The following ERLIN1 variants were observed in gnomAD, a reference collection of about 807,000 sequenced individuals.
ERLIN1 encodes ER lipid raft associated 1.
A neutral mutation model predicts 46.9 loss-of-function variants in ERLIN1; 24 were observed. The observed-to-expected ratio is 0.51, with a 90% confidence interval of 0.37 to 0.72. The LOEUF is 0.72. Ranked by LOEUF, ERLIN1 falls within the 30% of genes least tolerant of loss-of-function variation. The pLI is 0.00. For missense variants in ERLIN1, 293 were observed against 417.9 expected, an observed-to-expected ratio of 0.70 and a Z score of 2.61; for synonymous variants, 158 against 143.2, an observed-to-expected ratio of 1.10 and a Z score of -0.74.
At chr10:100,173,075 G>C (rs998706523) in intron 6 of ERLIN1, among the ~76,000 whole-genome samples, 1 of 152,182 alleles carries the variant, frequency 6.6e-6, no homozygotes, top group African/African-American at 2.4e-5. Flanking sequence ...GACATTGCAT[G>C]AATGAGGCCA....
At chr10:100,181,510 ACT>A (rs1180899476) in intron 2 of ERLIN1, among the ~76,000 whole-genome samples, 2 of 132,442 alleles carry the variant, frequency 1.5e-5, no homozygotes, top group Admixed American at 7.4e-5. Flanking sequence ...TCTTAAGAAC[ACT>A]CTTTTTTTTT....
chr10:100,177,071 G>A (rs1844353853), intron 4 of ERLIN1, among the ~76,000 whole-genome samples: 1 of 152,076 alleles, frequency 6.6e-6, no homozygotes, highest in Non-Finnish European at 1.5e-5. Context: ...GCACTGAGCT[G>A]AGATCATGCC....
At chr10:100,180,706 C>A (rs1417277976) in intron 2 of ERLIN1, among the ~76,000 whole-genome samples, 1 of 152,104 alleles carries the variant, frequency 6.6e-6, no homozygotes, top group East Asian at 1.9e-4. Flanking sequence ...GACAGAGGGC[C>A]CTGAATGCTG....
At position 100,179,458 on chromosome 10, in the gene ERLIN1, AT is replaced by A. The variant is rs371022068; in HGVS notation, c.196-212del. ...TTGAGACAGAAAATATTTTACAGCA[AT>A]TTTTTTTTTTTTTTGGAGACAGAGT... is the stretch of plus-strand genomic sequence containing the variant. On this transcript the variant is annotated intron_variant, in intron 2 of 10. Coordinates refer to ENST00000421367, the MANE Select transcript of ERLIN1 (RefSeq NM_006459.4). Among the ~76,000 whole-genome samples, 3,741 of 143,328 alleles carry A rather than the reference AT, an allele frequency of 0.026. 54 individuals are homozygous for A. The highest frequency in any genetic ancestry group is 0.039 in the Non-Finnish European group (2,549 of 64,836). The allele number at this position is 143,328 out of a possible 152,430, so 94.0% of individuals were successfully genotyped here. A position where few individuals can be genotyped will look rare whatever the true frequency, so the allele number is the denominator to read the frequency against.
rs548817905 is a variant in ERLIN1 at position 100,168,151 on chromosome 10, A to G, written c.505-745T>C. 2.0e-5 allele frequency among the ~76,000 whole-genome samples: 3 copies of G among 152,206 alleles called. No individual in the cohort carries two copies. In the East Asian group the frequency reaches 5.8e-4, roughly 29 times the overall value. ...GGACTTGATCTCTCAAAAGCTTTTG[A>G]TTTTACTAAACATACGATACCCCGC... On this transcript the variant is annotated intron_variant, in intron 6 of 10. Coordinates refer to ENST00000421367, the MANE Select transcript of ERLIN1 (RefSeq NM_006459.4).
intron 6 of ERLIN1, among the ~76,000 whole-genome samples, chr10:100,169,376 G>C (rs1020817821): frequency 1.3e-5 from 2 of 151,474 alleles, no homozygotes; most frequent in African/African-American, 4.9e-5. Context: ...TATATCAAAA[G>C]CCAGTCTATA....
chr10:100,171,968 C>G (rs1051745413), intron 6 of ERLIN1, among the ~76,000 whole-genome samples: 1 of 152,092 alleles, frequency 6.6e-6, no homozygotes, highest in Non-Finnish European at 1.5e-5. Flanking sequence ...AGGGGGGGAG[C>G]TGCTAAAATT....
chr10:100,155,020 A>G lies in ERLIN1; in HGVS notation c.746-81T>C, dbSNP rs1039682346. The G allele has an allele frequency of 1.1e-5, 13 of 1,161,580 alleles. No homozygotes were observed. The African/African-American group carries it at 2.0e-4, about 18-fold the overall frequency. The allele number at this position is 1,161,580 out of a possible 1,614,324, so 72.0% of individuals were successfully genotyped here. On this transcript the variant is annotated intron_variant, in intron 9 of 10. Transcript: ENST00000421367. ...CCTTTCCCCACTGCTTAATATTGTG[A>G]CTGCTTATTTCACATTGAAAGTTTT...
intron 7 of ERLIN1, among the ~76,000 whole-genome samples, chr10:100,165,916 G>A (rs1039248068): frequency 2.6e-5 from 4 of 152,084 alleles, no homozygotes; most frequent in African/African-American, 7.2e-5. Context: ...ACTGGAGACA[G>A]GGTTTCACCA....
At chr10:100,167,029 T>C (rs776385418) in intron 7 of ERLIN1, among the ~76,000 whole-genome samples, 53 of 152,250 alleles carry the variant, frequency 3.5e-4, no homozygotes, top group Non-Finnish European at 6.9e-4. Flanking sequence ...TCAGGACTCT[T>C]TCCTCTATTA....
At chr10:100,154,447 C>CATG (rs1206396651) in intron 10 of ERLIN1, among the ~76,000 whole-genome samples, 1 of 152,176 alleles carries the variant, frequency 6.6e-6, no homozygotes, top group Non-Finnish European at 1.5e-5. Context: ...TCCTACAATG[C>CATG]ATGAGATGGT....
rs1258612400 is a variant in ERLIN1 at position 100,151,310 on chromosome 10, T to TA, written c.*820dup. On this transcript the variant is annotated 3_prime_UTR_variant, in exon 11 of 11. Transcript: ENST00000421367. ...TAACATACAAGGAGGTGGCTGTGGC[T>TA]AAAACCAGGTACCTTAGTCAAGCAT... The TA allele has an allele frequency of 6.5e-6, 1 of 152,716 alleles. No individual in the cohort carries two copies. Among genetic ancestry groups the TA allele is most frequent in the Non-Finnish European group, 1.5e-5 (1 of 68,256 alleles). The allele number at this position is 152,716 out of a possible 1,614,324, so 9.5% of individuals were successfully genotyped here.
chr10:100,155,602 C>T (rs1286933732), intron 9 of ERLIN1, among the ~76,000 whole-genome samples: 1 of 151,920 alleles, frequency 6.6e-6, no homozygotes, highest in Non-Finnish European at 1.5e-5. Context: ...GCAAGCTCCG[C>T]CTCCCAGGTT....
At chr10:100,165,385 CT>C (rs35096142) in intron 7 of ERLIN1, among the ~76,000 whole-genome samples, 11,779 of 130,394 alleles carry the variant, frequency 0.09, 356 homozygotes, top group East Asian at 0.25. Flanking sequence ...CAGAAGCAAT[CT>C]TTTTTTTTTT....
intron 8 of ERLIN1, among the ~76,000 whole-genome samples, chr10:100,161,658 C>T (rs1843369383): frequency 6.6e-6 from 1 of 152,114 alleles, no homozygotes; most frequent in South Asian, 2.1e-4. Context: ...TTACACAACT[C>T]ACTCTCCACA....
Position 100,151,935 on chromosome 10 carries a change from C to T in ERLIN1, c.*196G>A. On this transcript the variant is annotated 3_prime_UTR_variant, in exon 11 of 11. Coordinates refer to ENST00000421367, the MANE Select transcript of ERLIN1 (RefSeq NM_006459.4). ...AATACATATAGGATACTTGATAAGA[C>T]TGTGGCTGAAAAGACCATTTGTGTG... is the stretch of plus-strand genomic sequence containing the variant. 1.6e-6 allele frequency: 1 copy of T among 641,186 alleles called. No individual in the cohort carries two copies. Among genetic ancestry groups the T allele is most frequent in the Non-Finnish European group, 2.8e-6 (1 of 352,772 alleles). 39.7% of individuals were successfully genotyped at this position (641,186 alleles called of 1,614,324 possible). A position where few individuals can be genotyped will look rare whatever the true frequency, so the allele number is the denominator to read the frequency against.
chr10:100,184,515 T>TGTAA (rs1296353414), intron 1 of ERLIN1, among the ~76,000 whole-genome samples: 2 of 152,218 alleles, frequency 1.3e-5, no homozygotes, highest in Non-Finnish European at 2.9e-5. Flanking sequence ...TTTTGCACCT[T>TGTAA]GTAAATTCAT....
At chr10:100,180,845 A>G (rs751051543) in intron 2 of ERLIN1, among the ~76,000 whole-genome samples, 2 of 152,208 alleles carry the variant, frequency 1.3e-5, no homozygotes, top group Non-Finnish European at 2.9e-5. Context: ...ATAGGGAGGT[A>G]AGAAAACCAG....
intron 2 of ERLIN1, among the ~76,000 whole-genome samples, chr10:100,183,341 C>T (rs542664021): frequency 6.6e-6 from 1 of 152,284 alleles, no homozygotes; most frequent in South Asian, 2.1e-4. Flanking sequence ...GGCAGAAAGG[C>T]TGTGTATAAA....
Sources: gnomAD v4.1 joint callset for allele counts (sites outside exome capture counted in the v4.1 genomes callset) on GRCh38, gnomAD v4.1.1 for gene constraint, MANE v1.5 for transcripts, NCBI Gene and HGNC (gene_info 2026-07-23, HGNC 2026-07-21) for gene names.